OPCML: variants seen among roughly 807,000 people sequenced by gnomAD.
OPCML encodes the protein opioid binding protein/cell adhesion molecule like, also known as opioid-binding protein/cell adhesion molecule.
In OPCML, 13 loss-of-function variants were observed where a neutral mutation model predicts 37.8. That is an observed-to-expected ratio of 0.34 (90% CI 0.22 to 0.55). The LOEUF (loss-of-function observed/expected upper bound fraction) is 0.55, where lower values mean the gene tolerates loss of function less well. OPCML is among the 20% of genes least tolerant of loss of function. OPCML has a pLI of 0.91. For synonymous variants in OPCML, 176 were observed against 168.8 expected (o/e 1.04, Z -0.33); for missense variants, 341 against 435.6 (o/e 0.78, Z 1.93).
At chr11:132,813,146 AT>A (rs937937276) in intron 2 of OPCML, among the ~76,000 whole-genome samples, 3 of 151,980 alleles carry the variant, frequency 2.0e-5, no homozygotes, top group Non-Finnish European at 4.4e-5. Flanking sequence ...CTCAGTACAC[AT>A]TTTTTTTAGA....
intron 2 of OPCML, among the ~76,000 whole-genome samples, chr11:132,677,833 T>G (rs1591713130): frequency 6.6e-6 from 1 of 151,660 alleles, no homozygotes; most frequent in South Asian, 2.1e-4. Flanking sequence ...CTAGACAAAC[T>G]TAGGTTTGGC....
intron 1 of OPCML, among the ~76,000 whole-genome samples, chr11:133,171,428 C>T (rs540706402): frequency 6.6e-6 from 1 of 152,192 alleles, no homozygotes; most frequent in Admixed American, 6.5e-5. Flanking sequence ...ACATCAGTCC[C>T]CTCTCAGCTG....
chr11:132,427,266 T>C (rs1468453687), intron 7 of OPCML, among the ~76,000 whole-genome samples: 1 of 152,200 alleles, frequency 6.6e-6, no homozygotes, highest in African/African-American at 2.4e-5. Flanking sequence ...ATAGGTTTTG[T>C]AAGTATGATT....
At chr11:132,436,526 T>C in intron 6 of OPCML, 133 bp downstream of exon 6, 1 of 1,460,934 alleles carries the variant, frequency 6.8e-7, no homozygotes, top group Non-Finnish European at 9.1e-7. Context: ...AAATAGACTT[T>C]GTTACAAAAG....
intron 1 of OPCML, among the ~76,000 whole-genome samples, chr11:133,079,949 C>A (rs1322807743): frequency 6.6e-6 from 1 of 152,186 alleles, no homozygotes; most frequent in East Asian, 1.9e-4. Context: ...TTGGGAATGC[C>A]TTTTGAACTT....
intron 4 of OPCML, among the ~76,000 whole-genome samples, chr11:132,452,563 T>TCTTTCAGCCTG (rs2096071310): frequency 6.7e-6 from 1 of 150,198 alleles, no homozygotes; most frequent in Non-Finnish European, 1.5e-5. Context: ...CTTTTTTCCT[T>TCTTTCAGCCTG]CCTTCCTGCC....
At chr11:133,054,585 A>G (rs532427837) in intron 1 of OPCML, among the ~76,000 whole-genome samples, 1 of 152,340 alleles carries the variant, frequency 6.6e-6, no homozygotes, top group South Asian at 2.1e-4. Context: ...GCACATCATC[A>G]CAGGGGCATA....
intron 3 of OPCML, among the ~76,000 whole-genome samples, chr11:132,641,427 C>A (rs1005705369): frequency 6.6e-6 from 1 of 152,152 alleles, no homozygotes. Flanking sequence ...CCAGCACCTG[C>A]CTGGCACTTT....
At chr11:133,196,600 A>G (rs1458773373) in intron 1 of OPCML, among the ~76,000 whole-genome samples, 2 of 152,188 alleles carry the variant, frequency 1.3e-5, no homozygotes, top group Non-Finnish European at 2.9e-5. Context: ...GCTCACTGAG[A>G]GATTTATTGA....
intron 1 of OPCML, among the ~76,000 whole-genome samples, chr11:133,516,588 C>A (rs966170385): frequency 2.0e-5 from 3 of 152,084 alleles, no homozygotes; most frequent in Non-Finnish European, 4.4e-5. Context: ...CCAACTCTAC[C>A]TTAGCTGAAT....
At chr11:133,015,431 TGAAGGAAG>T (rs768763860) in intron 1 of OPCML, among the ~76,000 whole-genome samples, 2 of 46,146 alleles carry the variant, frequency 4.3e-5, no homozygotes, top group South Asian at 9.0e-4. Context: ...AAGGAAGGAA[TGAAGGAAG>T]GAAGGAAGGA....
chr11:132,798,505 A>G (rs1938463636), intron 2 of OPCML, among the ~76,000 whole-genome samples: 1 of 152,232 alleles, frequency 6.6e-6, no homozygotes, highest in Admixed American at 6.5e-5. Flanking sequence ...CTCCTCCTTC[A>G]TTAAGACTGT....
chr11:133,240,212 C>CAAAAAAAAAA, intron 1 of OPCML, among the ~76,000 whole-genome samples: 1 of 66,042 alleles, frequency 1.5e-5, no homozygotes, highest in Non-Finnish European at 2.8e-5. Flanking sequence ...ACACTTGGGG[C>CAAAAAAAAAA]AAAAAAAAAA....
chr11:132,744,237 G>A (rs533432713), intron 2 of OPCML, among the ~76,000 whole-genome samples: 1 of 152,284 alleles, frequency 6.6e-6, no homozygotes, highest in South Asian at 2.1e-4. Context: ...TGCCAATTCA[G>A]GGGGGACTCC....
chr11:132,498,362 G>A (rs1039440562), intron 4 of OPCML, among the ~76,000 whole-genome samples: 1 of 152,128 alleles, frequency 6.6e-6, no homozygotes, highest in Non-Finnish European at 1.5e-5. Flanking sequence ...TATTTCCATA[G>A]GTTTCCATGC....
chr11:133,031,934 G>A (rs527716777), intron 1 of OPCML, among the ~76,000 whole-genome samples: 1 of 152,266 alleles, frequency 6.6e-6, no homozygotes, highest in Admixed American at 6.5e-5. Flanking sequence ...GCCAAACACA[G>A]TGCTTTGTTT....
At chr11:133,411,250 A>AG (rs1389732234) in intron 1 of OPCML, among the ~76,000 whole-genome samples, 4 of 152,148 alleles carry the variant, frequency 2.6e-5, no homozygotes, top group African/African-American at 9.6e-5. Context: ...GAGAGAGCTC[A>AG]GGGGGGTACA....
intron 1 of OPCML, among the ~76,000 whole-genome samples, chr11:133,325,386 T>C (rs1254142952): frequency 6.6e-6 from 1 of 152,200 alleles, no homozygotes; most frequent in African/African-American, 2.4e-5. Context: ...ATTACTCCAA[T>C]TGTTGCTAGC....
chr11:133,153,326 G>A (rs1382041297), intron 1 of OPCML, among the ~76,000 whole-genome samples: 1 of 152,220 alleles, frequency 6.6e-6, no homozygotes, highest in East Asian at 1.9e-4. Context: ...AGGAGTCACA[G>A]AGAGGCTGCT....
Sources: allele counts gnomAD v4.1 joint callset (sites outside exome capture counted in the v4.1 genomes callset), GRCh38; gene constraint gnomAD v4.1.1; transcripts MANE v1.5; gene names NCBI Gene and HGNC (gene_info 2026-07-23, HGNC 2026-07-21).